Variants in DOCK4 observed in about 807,000 individuals in gnomAD.
The protein encoded by DOCK4 is dedicator of cytokinesis protein 4.
Under a neutral mutation model 268.1 loss-of-function variants are expected in DOCK4, and 97 were observed. That is an observed-to-expected ratio of 0.36 (90% confidence interval 0.31 to 0.43). The LOEUF (loss-of-function observed/expected upper bound fraction) is 0.43, where lower values mean the gene tolerates loss of function less well. Ranked by LOEUF, DOCK4 falls within the 20% of genes least tolerant of loss-of-function variation. The pLI is 1.00. For missense variants in DOCK4, 2,145 were observed against 2,455.7 expected, an observed-to-expected ratio of 0.87 and a Z score of 2.67; for synonymous variants, 954 against 887.2, an observed-to-expected ratio of 1.08 and a Z score of -1.34.
intron 1 of DOCK4, among the ~76,000 whole-genome samples, chr7:112,126,728 C>T (rs1327992877): frequency 6.6e-6 from 1 of 151,976 alleles, no homozygotes; most frequent in African/African-American, 2.4e-5. Context: ...AACAAACAAC[C>T]CCATCAAAAA....
chr7:111,988,045 A>G (rs1799187465), intron 6 of DOCK4, among the ~76,000 whole-genome samples: 1 of 152,184 alleles, frequency 6.6e-6, no homozygotes, highest in Non-Finnish European at 1.5e-5. Flanking sequence ...GTGATTTCCT[A>G]TGGTAATGGG....
chr7:112,118,225 T>C (rs1481097852), intron 1 of DOCK4, among the ~76,000 whole-genome samples: 1 of 151,966 alleles, frequency 6.6e-6, no homozygotes, highest in African/African-American at 2.4e-5. Flanking sequence ...GGAGACAAGA[T>C]TGAAGAAATC....
chr7:111,768,371 C>T (rs1264336153), intron 37 of DOCK4, among the ~76,000 whole-genome samples: 1 of 152,136 alleles, frequency 6.6e-6, no homozygotes, highest in Non-Finnish European at 1.5e-5. Context: ...GTCAGTGTAC[C>T]TAGATAAATA....
chr7:111,925,904 G>C (rs112638810), intron 12 of DOCK4, among the ~76,000 whole-genome samples: 1 of 151,750 alleles, frequency 6.6e-6, no homozygotes, highest in African/African-American at 2.4e-5. Context: ...TGGCCAACAT[G>C]GTAAAACCCC....
At chr7:111,827,409 T>A (rs1802488474) in intron 26 of DOCK4, among the ~76,000 whole-genome samples, 1 of 152,228 alleles carries the variant, frequency 6.6e-6, no homozygotes, top group African/African-American at 2.4e-5. Flanking sequence ...TTCCAGGTTC[T>A]GTGCTTAGGA....
intron 12 of DOCK4, among the ~76,000 whole-genome samples, chr7:111,918,848 C>T (rs17158995): frequency 0.039 from 5,981 of 152,154 alleles, 354 homozygotes; most frequent in East Asian, 0.29. Context: ...CAGAATAAGA[C>T]GAATTTAACA....
intron 26 of DOCK4, among the ~76,000 whole-genome samples, chr7:111,822,736 T>C (rs753427193): frequency 6.6e-6 from 1 of 152,204 alleles, no homozygotes; most frequent in Admixed American, 6.5e-5. Context: ...GAAAATAAAG[T>C]GGAAAACTTG....
At chr7:111,835,184 T>G (rs1305250312) in intron 25 of DOCK4, among the ~76,000 whole-genome samples, 2 of 152,164 alleles carry the variant, frequency 1.3e-5, no homozygotes, top group Admixed American at 1.3e-4. Context: ...TTATCCCCAG[T>G]CTTTCTGCCT....
At chr7:112,024,275 T>C (rs1003533458) in intron 1 of DOCK4, among the ~76,000 whole-genome samples, 9 of 152,174 alleles carry the variant, frequency 5.9e-5, no homozygotes, top group African/African-American at 9.7e-5. Flanking sequence ...ACGCTGAGAC[T>C]CCCAAATTGA....
chr7:112,092,520 C>T (rs1438273283), intron 1 of DOCK4, among the ~76,000 whole-genome samples: 1 of 152,150 alleles, frequency 6.6e-6, no homozygotes, highest in Non-Finnish European at 1.5e-5. Context: ...GCGCGACAGG[C>T]TCTCTACCTG....
chr7:111,737,222 T>C (rs1473075516), intron 49 of DOCK4, among the ~76,000 whole-genome samples: 1 of 152,172 alleles, frequency 6.6e-6, no homozygotes, highest in African/African-American at 2.4e-5. Flanking sequence ...ATTTTAAATA[T>C]AAATGGTAAA....
At chr7:112,035,341 A>G (rs1803658377) in intron 1 of DOCK4, among the ~76,000 whole-genome samples, 2 of 151,780 alleles carry the variant, frequency 1.3e-5, no homozygotes, top group Middle Eastern at 3.4e-3. Flanking sequence ...TCTAGCATGC[A>G]AAGACATATG....
intron 41 of DOCK4, among the ~76,000 whole-genome samples, chr7:111,757,734 G>T (rs1011953731): frequency 6.6e-6 from 1 of 152,140 alleles, no homozygotes; most frequent in African/African-American, 2.4e-5. Flanking sequence ...AACTGACACC[G>T]GCAGAGCTGA....
chr7:111,773,976 C>A (rs537718356), intron 36 of DOCK4, among the ~76,000 whole-genome samples: 11 of 151,780 alleles, frequency 7.2e-5, no homozygotes, highest in African/African-American at 2.4e-4. Context: ...CAGATCGTGC[C>A]ACTACATTCC....
intron 8 of DOCK4, among the ~76,000 whole-genome samples, chr7:111,947,929 T>C (rs1410443483): frequency 2.0e-5 from 3 of 152,114 alleles, no homozygotes; most frequent in Non-Finnish European, 4.4e-5. Flanking sequence ...GGTTTCACTA[T>C]GTTGGCCAGG....
At chr7:111,842,517 C>G (rs540223849) in intron 25 of DOCK4, among the ~76,000 whole-genome samples, 1 of 152,298 alleles carries the variant, frequency 6.6e-6, no homozygotes, top group South Asian at 2.1e-4. Flanking sequence ...AGACTTCCAC[C>G]CTCATGAGGA....
chr7:111,735,336 T>G (rs1412562655), intron 50 of DOCK4, among the ~76,000 whole-genome samples, 169 bp from the exon 51 acceptor site: 1 of 152,226 alleles, frequency 6.6e-6, no homozygotes, highest in Non-Finnish European at 1.5e-5. Context: ...TGCCTAACAG[T>G]TATAGTTACC....
At chr7:111,926,855 AAG>A (rs372911130) in intron 12 of DOCK4, among the ~76,000 whole-genome samples, 3 of 149,464 alleles carry the variant, frequency 2.0e-5, no homozygotes, top group East Asian at 2.0e-4. Context: ...GAAAGAGAAA[AAG>A]AGAGAGAGAG....
chr7:111,923,049 T>C (rs1793287877), intron 12 of DOCK4, among the ~76,000 whole-genome samples: 1 of 151,998 alleles, frequency 6.6e-6, no homozygotes. Flanking sequence ...CAGCTGGGTG[T>C]CAAAAATATT....
Sources: gnomAD v4.1 joint callset for allele counts (sites outside exome capture counted in the v4.1 genomes callset) on GRCh38, gnomAD v4.1.1 for gene constraint, MANE v1.5 for transcripts, NCBI Gene and HGNC (gene_info 2026-07-23, HGNC 2026-07-21) for gene names.